CDC42EP3: variants seen among roughly 807,000 people sequenced by gnomAD.
CDC42EP3 encodes CDC42 effector protein (Rho GTPase binding) 3.
CDC42EP3 carries 4 observed loss-of-function variants against 15.5 expected under a neutral mutation model. The ratio of observed to expected loss-of-function variants is 0.26; its 90% CI spans 0.13 to 0.59. The LOEUF is 0.59. CDC42EP3 is among the 20% of genes least tolerant of loss of function. CDC42EP3 has a pLI of 0.89. For synonymous variants in CDC42EP3, 145 were observed against 130.3 expected, an observed-to-expected ratio of 1.11 and a Z score of -0.77; for missense variants, 309 against 311.2, an observed-to-expected ratio of 0.99 and a Z score of 0.05.
chr2:37,656,997 G>T (rs59835802), intron 1 of CDC42EP3, among the ~76,000 whole-genome samples: 3 of 38,702 alleles, frequency 7.8e-5, no homozygotes, highest in African/African-American at 1.8e-4. Flanking sequence ...CCCACCCCCC[G>T]CCCCCCGCCA....
In CDC42EP3 at chr2:37,662,084, G is replaced by GA. The variant is rs11314456; in HGVS notation, c.-236+9341dup. Among the ~76,000 whole-genome samples the GA allele has an allele frequency of 5.0e-3, 711 of 141,722 alleles. 3 individuals are homozygous for GA. Among genetic ancestry groups the GA allele is most frequent in the African/African-American group, 0.017 (660 of 39,184 alleles). 93.0% of individuals were successfully genotyped at this position (141,722 alleles called of 152,430 possible). On this transcript the variant is annotated intron_variant, in intron 1 of 1. Transcript: ENST00000295324. ...TAGCGTCTAGGAAGTTTCCAAAAAA[G>GA]AAAAAAAAAAAGTAATGTTTTTAAG...
At chr2:37,668,055 CT>C (rs1295550005) in intron 1 of CDC42EP3, among the ~76,000 whole-genome samples, 1 of 152,180 alleles carries the variant, frequency 6.6e-6, no homozygotes, top group Non-Finnish European at 1.5e-5. Flanking sequence ...ACATACATAC[CT>C]GTTATAAAGT....
At chr2:37,661,066 G>A (rs1233418542) in intron 1 of CDC42EP3, among the ~76,000 whole-genome samples, 5 of 151,954 alleles carry the variant, frequency 3.3e-5, no homozygotes, top group Non-Finnish European at 5.9e-5. Context: ...GGAGTAGTAT[G>A]TATGTATGCA....
chr2:37,657,757 A>G (rs1364133098), intron 1 of CDC42EP3, among the ~76,000 whole-genome samples: 1 of 152,168 alleles, frequency 6.6e-6, no homozygotes, highest in Admixed American at 6.5e-5. Context: ...TTTGTTCCCT[A>G]TGCGATATTT....
At chr2:37,671,922 T>C (rs1289157585), upstream of CDC42EP3, 1 of 152,104 alleles carries the variant, frequency 6.6e-6, no homozygotes, top group African/African-American at 2.4e-5. Flanking sequence ...AAGATGCCGC[T>C]TTCGACTCCC....
chr2:37,662,338 A>G (rs1002986190), intron 1 of CDC42EP3, among the ~76,000 whole-genome samples: 7 of 152,214 alleles, frequency 4.6e-5, no homozygotes, highest in Non-Finnish European at 1.0e-4. Context: ...CAATGAGCCC[A>G]TATCAATGGA....
intron 1 of CDC42EP3, among the ~76,000 whole-genome samples, chr2:37,665,764 G>C (rs542715656): frequency 2.0e-5 from 3 of 152,136 alleles, no homozygotes; most frequent in African/African-American, 7.2e-5. Context: ...TGCTCAGGCT[G>C]CTCTGCCAGA....
Position 37,646,520 on chromosome 2 carries a change from C to T in CDC42EP3, c.68G>A (p.Arg23Lys). The T allele has an allele frequency of 6.3e-7, 1 of 1,589,364 alleles. No individual in the cohort carries two copies. Among genetic ancestry groups the T allele is most frequent in the South Asian group, 1.2e-5 (1 of 86,502 alleles). Residue 23 changes from arginine (R) to lysine (K), a missense_variant, in exon 2 of 2, where the codon AGG becomes AAG. By Grantham distance (26) the Arg-to-Lys change is conservative. Transcript: ENST00000295324. ...NNKKGKKFKL[R>K]DILSPDMISP... ...GATCATATCAGGAGACAGAATGTCCCTCAGTTTAAATTTCTTTCCTTTCTT... is the reference window on the plus strand; with the variant it reads ...GATCATATCAGGAGACAGAATGTCCTTCAGTTTAAATTTCTTTCCTTTCTT...
intron 1 of CDC42EP3, among the ~76,000 whole-genome samples, chr2:37,669,513 C>T (rs1010506695): frequency 4.6e-5 from 7 of 152,218 alleles, no homozygotes; most frequent in Admixed American, 3.3e-4. Flanking sequence ...ACACTTATTA[C>T]TCTAGCTGCT....
chr2:37,660,917 T>C (rs915368391), intron 1 of CDC42EP3, among the ~76,000 whole-genome samples: 8 of 152,252 alleles, frequency 5.3e-5, no homozygotes, highest in African/African-American at 1.2e-4. Context: ...AGTGGACCAG[T>C]AATCATTGGA....
chr2:37,671,657 C>A (rs1431451075), upstream of CDC42EP3: 1 of 151,808 alleles, frequency 6.6e-6, no homozygotes, highest in Non-Finnish European at 1.5e-5. Flanking sequence ...GCGGGGCGGC[C>A]GGACGCGAGG....
rs909354831 is a variant in CDC42EP3 at position 37,645,017 on chromosome 2, TATG to T, written c.*803_*805del. 1.3e-5 allele frequency: 2 copies of T among 152,070 alleles called. No individual in the cohort carries two copies. The highest frequency in any genetic ancestry group is 4.8e-5 in the African/African-American group (2 of 41,406). The allele number at this position is 152,070 out of a possible 1,614,324, so 9.4% of individuals were successfully genotyped here. A position where few individuals can be genotyped will look rare whatever the true frequency, so the allele number is the denominator to read the frequency against. ...ATCCGTTATTGGTTGCTGTTAAAAG[TATG>T]ATAACAGATGAAGAAAAAAAAACTA... is the stretch of plus-strand genomic sequence containing the variant. On this transcript the variant is annotated 3_prime_UTR_variant, in exon 2 of 2. Coordinates refer to ENST00000295324, the MANE Select transcript of CDC42EP3 (RefSeq NM_006449.5).
intron 1 of CDC42EP3, among the ~76,000 whole-genome samples, chr2:37,647,902 G>C (rs187266662): frequency 6.6e-6 from 1 of 152,298 alleles, no homozygotes; most frequent in African/African-American, 2.4e-5. Flanking sequence ...CTTTTCCCCA[G>C]TTGAGCCTCT....
In CDC42EP3 at chr2:37,642,946, C is replaced by T. The variant is rs1572500427; in HGVS notation, c.*2877G>A. On this transcript the variant is annotated 3_prime_UTR_variant, in exon 2 of 2. Coordinates refer to ENST00000295324, the MANE Select transcript of CDC42EP3 (RefSeq NM_006449.5). ...GAGCTAAGTATCCTGATATTTTGAT[C>T]TTTTCAAGCAGATAATTTCAGGCAG... is the stretch of plus-strand genomic sequence containing the variant. 1 of 152,096 alleles carries T rather than the reference C, an allele frequency of 6.6e-6. No homozygotes were observed. The highest frequency in any genetic ancestry group is 1.5e-5 in the Non-Finnish European group (1 of 68,004). 9.4% of individuals were successfully genotyped at this position (152,096 alleles called of 1,614,324 possible). A position where few individuals can be genotyped will look rare whatever the true frequency, so the allele number is the denominator to read the frequency against.
At chr2:37,667,893 G>A (rs529271214) in intron 1 of CDC42EP3, among the ~76,000 whole-genome samples, 6 of 152,282 alleles carry the variant, frequency 3.9e-5, no homozygotes, top group South Asian at 4.1e-4. Context: ...CCTTGGCCAC[G>A]TTACTAAACC....
chr2:37,670,151 T>A (rs1049221241), intron 1 of CDC42EP3, among the ~76,000 whole-genome samples: 7 of 152,220 alleles, frequency 4.6e-5, no homozygotes, highest in Non-Finnish European at 1.0e-4. Context: ...TGGGGCATCA[T>A]CGCTGGTTCC....
rs397945628 is a variant in CDC42EP3 at position 37,653,776 on chromosome 2, A to AT, written c.-235-6955dup. On this transcript the variant is annotated intron_variant, in intron 1 of 1. Transcript: ENST00000295324. Reference sequence around the variant, plus strand: ...AGAGAAAAAGTAAAAAAAAAAAAAAATTGCATCCTGCAAAACAGGTTGCAG... The same window carrying AT: ...AGAGAAAAAGTAAAAAAAAAAAAAAATTTGCATCCTGCAAAACAGGTTGCAG... 7.8e-4 allele frequency among the ~76,000 whole-genome samples: 118 copies of AT among 151,808 alleles called. 2 individuals carry two copies. Among genetic ancestry groups the AT allele is most frequent in the African/African-American group, 2.2e-3 (93 of 41,334 alleles).
At chr2:37,649,526 C>A (rs2041508) in intron 1 of CDC42EP3, among the ~76,000 whole-genome samples, 52,868 of 145,358 alleles carry the variant, frequency 0.36, 10,583 homozygotes, top group East Asian at 0.6. Flanking sequence ...GCCACTCTGA[C>A]TGGATCATTC....
chr2:37,659,046 G>T (rs1665970926), intron 1 of CDC42EP3, among the ~76,000 whole-genome samples: 1 of 152,170 alleles, frequency 6.6e-6, no homozygotes, highest in Non-Finnish European at 1.5e-5. Context: ...GTTCCCCATG[G>T]CATCCTAAGC....
Sources: allele counts gnomAD v4.1 joint callset (sites outside exome capture counted in the v4.1 genomes callset), GRCh38; gene constraint gnomAD v4.1.1; transcripts MANE v1.5; gene names NCBI Gene and HGNC (gene_info 2026-07-23, HGNC 2026-07-21).